Variants in MED13L observed in about 807,000 individuals in gnomAD.
MED13L encodes mediator complex subunit 13L, also known as mediator of RNA polymerase II transcription subunit 13-like.
MED13L carries 7 observed loss-of-function variants against 220.9 expected under a neutral mutation model. The observed-to-expected ratio is 0.03, with a 90% CI of 0.02 to 0.06. The LOEUF (loss-of-function observed/expected upper bound fraction) is 0.06, where lower values mean the gene tolerates loss of function less well. Among genes scored for constraint, MED13L ranks in the 10% least tolerant of loss-of-function variants. The pLI is 1.00. For missense variants in MED13L, 1,965 were observed against 2,760.5 expected (o/e 0.71, Z 6.46); for synonymous variants, 1,011 against 1,015.2 (o/e 1.00, Z 0.08).
chr12:116,168,876 C>T (rs897822786), intron 2 of MED13L, among the ~76,000 whole-genome samples: 2 of 152,096 alleles, frequency 1.3e-5, no homozygotes, highest in Non-Finnish European at 2.9e-5. Flanking sequence ...GAAATTAAAA[C>T]TAATTAAAAA....
At position 116,007,558 on chromosome 12, in the gene MED13L, G is replaced by A. The variant is rs1002308829; in HGVS notation, c.2091C>T (p.Asp697=). The A allele has an allele frequency of 6.2e-7, 1 of 1,611,762 alleles. No individual in the cohort carries two copies. Among genetic ancestry groups the A allele is most frequent in the Non-Finnish European group, 8.5e-7 (1 of 1,179,524 alleles). Residue 697 remains aspartate, a synonymous_variant, in exon 11 of 31, where the codon GAC becomes GAT. Transcript: ENST00000281928. The stretch of plus-strand genomic sequence containing the variant: ...CAGGTTGTTGTGATAGAGGCAATGG[G>A]TCAAGGAAGTGGAGTGGCTGCAACT... ...QPQLQPLHFL[D]PLPLSQQPGD... is the part of the protein sequence containing the mutation.
At chr12:116,196,004 A>C (rs1409737731) in intron 2 of MED13L, among the ~76,000 whole-genome samples, 1 of 152,148 alleles carries the variant, frequency 6.6e-6, no homozygotes, top group Non-Finnish European at 1.5e-5. Flanking sequence ...AGAAAGTTGC[A>C]GAGGCAAAGA....
At chr12:116,000,329 G>A (rs539083265) in intron 14 of MED13L, among the ~76,000 whole-genome samples, 3 of 152,318 alleles carry the variant, frequency 2.0e-5, no homozygotes, top group East Asian at 3.9e-4. Context: ...GCTAAAGCAA[G>A]GGTGGAAACA....
intron 2 of MED13L, among the ~76,000 whole-genome samples, chr12:116,115,488 G>GTCCT (rs1362328240): frequency 6.6e-6 from 1 of 151,970 alleles, no homozygotes; most frequent in Non-Finnish European, 1.5e-5. Context: ...AAGAAAAACT[G>GTCCT]ATAAACAGAG....
At chr12:116,209,428 T>C (rs997116038) in intron 2 of MED13L, among the ~76,000 whole-genome samples, 2 of 152,118 alleles carry the variant, frequency 1.3e-5, no homozygotes, top group Admixed American at 6.6e-5. Context: ...CTAGAACATA[T>C]ATCCCTTCAT....
At chr12:116,063,409 T>C (rs1869667435) in intron 4 of MED13L, among the ~76,000 whole-genome samples, 1 of 152,156 alleles carries the variant, frequency 6.6e-6, no homozygotes. Flanking sequence ...TCCCAGCCAC[T>C]TGGGTGGCTG....
intron 4 of MED13L, among the ~76,000 whole-genome samples, chr12:116,023,797 GAA>G (rs1054812663): frequency 6.6e-6 from 1 of 151,824 alleles, no homozygotes; most frequent in Non-Finnish European, 1.5e-5. Context: ...AAAGAATTTT[GAA>G]AAAAAGTTTT....
chr12:116,028,106 T>C (rs76666383), intron 4 of MED13L, among the ~76,000 whole-genome samples: 11,840 of 152,246 alleles, frequency 0.078, 715 homozygotes, highest in African/African-American at 0.16. Context: ...GGCCTTAAAA[T>C]TCAATGTTCT....
chr12:115,963,717 CA>C (rs927688439), intron 29 of MED13L, among the ~76,000 whole-genome samples, 198 bp from the exon 30 acceptor site: 1 of 149,564 alleles, frequency 6.7e-6, no homozygotes, highest in Non-Finnish European at 1.5e-5. Flanking sequence ...TGGAAAAAAA[CA>C]AAAAAAAAGC....
At chr12:115,978,516 G>T (rs1442162356) in intron 23 of MED13L, among the ~76,000 whole-genome samples, 1 of 151,932 alleles carries the variant, frequency 6.6e-6, no homozygotes, top group Non-Finnish European at 1.5e-5. Context: ...TAGTGGAGAC[G>T]GGATTTTGCC....
At chr12:116,198,109 C>T (rs530232438) in intron 2 of MED13L, among the ~76,000 whole-genome samples, 1 of 152,192 alleles carries the variant, frequency 6.6e-6, no homozygotes, top group East Asian at 1.9e-4. Flanking sequence ...CTTCCACACA[C>T]CAAGAACCCA....
chr12:116,119,834 A>ATATAT (rs1437759532), intron 2 of MED13L, among the ~76,000 whole-genome samples: 14 of 94,936 alleles, frequency 1.5e-4, no homozygotes, highest in African/African-American at 4.3e-4. Context: ...AAAAAAAAAA[A>ATATAT]AAAAATATAT....
chr12:116,189,043 A>G (rs1324614404), intron 2 of MED13L, among the ~76,000 whole-genome samples: 2 of 152,184 alleles, frequency 1.3e-5, no homozygotes, highest in Non-Finnish European at 1.5e-5. Context: ...TTCTGCACAA[A>G]CATACGTTTT....
chr12:116,210,550 CCTATATATATATAT>C (rs1882626260), intron 2 of MED13L, among the ~76,000 whole-genome samples: 1 of 60,386 alleles, frequency 1.7e-5, no homozygotes, highest in Non-Finnish European at 3.1e-5. Context: ...CAGAACGTAA[CCTATATATATATAT>C]ATATATATAT....
intron 4 of MED13L, among the ~76,000 whole-genome samples, chr12:116,032,885 G>A (rs1284661243): frequency 6.6e-6 from 1 of 152,122 alleles, no homozygotes; most frequent in Non-Finnish European, 1.5e-5. Context: ...TGACAGGAAG[G>A]AGGAGAGGAG....
At chr12:116,121,765 C>CT (rs1403954392) in intron 2 of MED13L, among the ~76,000 whole-genome samples, 2 of 152,136 alleles carry the variant, frequency 1.3e-5, no homozygotes, top group Non-Finnish European at 2.9e-5. Flanking sequence ...CCACCTACTG[C>CT]TTTTTTACCT....
At chr12:115,998,514 G>T (rs1878548091) in intron 14 of MED13L, among the ~76,000 whole-genome samples, 1 of 152,148 alleles carries the variant, frequency 6.6e-6, no homozygotes, top group South Asian at 2.1e-4. Flanking sequence ...TTCCCCCCTT[G>T]GGGCCTTGGT....
At chr12:116,223,710 T>C (rs538923760) in intron 2 of MED13L, among the ~76,000 whole-genome samples, 1 of 151,666 alleles carries the variant, frequency 6.6e-6, no homozygotes, top group Admixed American at 6.6e-5. Context: ...ATCTCAAAAA[T>C]AAAATAAAAA....
intron 2 of MED13L, among the ~76,000 whole-genome samples, chr12:116,222,305 T>C (rs1868518430): frequency 6.6e-6 from 1 of 152,174 alleles, no homozygotes. Flanking sequence ...GTCACAGAAG[T>C]GGCATTGTAT....
Sources: gnomAD v4.1 joint callset for allele counts (sites outside exome capture counted in the v4.1 genomes callset) on GRCh38, gnomAD v4.1.1 for gene constraint, MANE v1.5 for transcripts, NCBI Gene and HGNC (gene_info 2026-07-23, HGNC 2026-07-21) for gene names.